Variants in CSMD1 observed in about 807,000 individuals in gnomAD.
CSMD1 encodes CUB and Sushi multiple domains 1.
In CSMD1, 213 loss-of-function variants were observed where a neutral mutation model predicts 417.5. The observed-to-expected ratio is 0.51, with a 90% CI of 0.46 to 0.57. The LOEUF (loss-of-function observed/expected upper bound fraction) is 0.57, where lower values mean the gene tolerates loss of function less well. CSMD1 is among the 20% of genes least tolerant of loss of function. The pLI is 0.00. For synonymous variants in CSMD1, 2,862 were observed against 1,736.8 expected, an observed-to-expected ratio of 1.65 and a Z score of -16.11; for missense variants, 6,923 against 4,529.7, an observed-to-expected ratio of 1.53 and a Z score of -15.17.
intron 3 of CSMD1, among the ~76,000 whole-genome samples, chr8:4,238,415 C>G (rs1311169665): frequency 6.6e-6 from 1 of 152,136 alleles, no homozygotes; most frequent in African/African-American, 2.4e-5. Context: ...ATGGTATACC[C>G]TAGAGTCACA....
At position 4,122,109 on chromosome 8, in the gene CSMD1, G is replaced by A. The variant is rs192460259; in HGVS notation, c.416-90010C>T. Among the ~76,000 whole-genome samples the A allele has an allele frequency of 2.7e-3, 411 of 151,716 alleles. 6 individuals are homozygous for A. Among genetic ancestry groups the A allele is most frequent in the Admixed American group, 0.024 (363 of 15,220 alleles). On this transcript the variant is annotated intron_variant, in intron 3 of 69. Coordinates refer to ENST00000635120, the MANE Select transcript of CSMD1 (RefSeq NM_033225.6). ...TATCATAGAAATATAATATTGTATC[G>A]TATAGGATATCAGAGATACTTACTA...
intron 1 of CSMD1, among the ~76,000 whole-genome samples, chr8:4,988,629 G>A (rs891993736): frequency 6.6e-6 from 1 of 152,112 alleles, no homozygotes; most frequent in African/African-American, 2.4e-5. Context: ...GGTGCCTAAT[G>A]GATGACAAAA....
At chr8:4,235,075 C>A (rs1036151436) in intron 3 of CSMD1, among the ~76,000 whole-genome samples, 8 of 152,090 alleles carry the variant, frequency 5.3e-5, no homozygotes, top group African/African-American at 1.9e-4. Context: ...CCATAGGAGT[C>A]CCTTTCCAGG....
chr8:3,312,682 C>A (rs1308066344), intron 23 of CSMD1, among the ~76,000 whole-genome samples: 1 of 152,156 alleles, frequency 6.6e-6, no homozygotes, highest in African/African-American at 2.4e-5. Flanking sequence ...TCTGAAGCTT[C>A]TACTTCGTGT....
At position 4,849,256 on chromosome 8, in the gene CSMD1, T is replaced by A. The variant is rs11998390; in HGVS notation, c.85+145076A>T. Among the ~76,000 whole-genome samples, 1,243 of 152,276 alleles carry A rather than the reference T, an allele frequency of 8.2e-3. 13 individuals carry two copies. The highest frequency in any genetic ancestry group is 0.028 in the African/African-American group (1,147 of 41,564). ...GAAAGAAAATATTATTGTACACCTG[T>A]GCATGTGTTTCATATTTTAATGTGT... On this transcript the variant is annotated intron_variant, in intron 1 of 69. Transcript: ENST00000635120.
intron 26 of CSMD1, among the ~76,000 whole-genome samples, chr8:3,267,630 C>T (rs773127512): frequency 5.9e-5 from 9 of 152,070 alleles, no homozygotes; most frequent in Non-Finnish European, 1.2e-4. Flanking sequence ...GAAATGTGTC[C>T]CGGCAAAAGC....
At chr8:3,815,249 T>C (rs965042034) in intron 5 of CSMD1, among the ~76,000 whole-genome samples, 9 of 152,144 alleles carry the variant, frequency 5.9e-5, no homozygotes, top group Admixed American at 3.3e-4. Context: ...ATGATTTGGG[T>C]AAAGTGTCTG....
chr8:4,792,933 G>T lies in CSMD1; in HGVS notation c.86-155375C>A, dbSNP rs550158895. On this transcript the variant is annotated intron_variant, in intron 1 of 69. Transcript: ENST00000635120. ...TATAGAGTTCAGTATGATTAAAAAG[G>T]GATGCAAATTATATATGTATATGGA... Among the ~76,000 whole-genome samples the T allele has an allele frequency of 2.5e-3, 377 of 151,462 alleles. 3 individuals carry two copies. Among genetic ancestry groups the T allele is most frequent in the Middle Eastern group, 0.021 (6 of 290 alleles).
chr8:3,929,982 T>C (rs762523626), intron 5 of CSMD1, among the ~76,000 whole-genome samples: 4 of 150,442 alleles, frequency 2.7e-5, no homozygotes, highest in Non-Finnish European at 5.9e-5. Flanking sequence ...GATTAAATTT[T>C]TAAAAACTAT....
At chr8:4,571,348 T>C (rs949905136) in intron 2 of CSMD1, among the ~76,000 whole-genome samples, 39 of 152,230 alleles carry the variant, frequency 2.6e-4, no homozygotes, top group Non-Finnish European at 2.9e-5. Flanking sequence ...TGTGTCTTTG[T>C]TCTCACTGGT....
At chr8:3,922,811 A>G (rs1809368719) in intron 5 of CSMD1, among the ~76,000 whole-genome samples, 3 of 152,140 alleles carry the variant, frequency 2.0e-5, no homozygotes, top group Admixed American at 2.0e-4. Flanking sequence ...ATTGATGAAT[A>G]TAAAATTCTA....
At chr8:3,081,737 A>T (rs1484447855) in intron 49 of CSMD1, among the ~76,000 whole-genome samples, 1 of 152,212 alleles carries the variant, frequency 6.6e-6, no homozygotes, top group Admixed American at 6.5e-5. Context: ...TCTTTCTTTA[A>T]TTACAATTTT....
At chr8:3,285,331 A>G (rs888629574) in intron 25 of CSMD1, among the ~76,000 whole-genome samples, 1 of 152,120 alleles carries the variant, frequency 6.6e-6, no homozygotes, top group Non-Finnish European at 1.5e-5. Flanking sequence ...ATATAGAGAA[A>G]AGTATAGCAG....
chr8:4,606,414 T>C (rs1368960450), intron 2 of CSMD1, among the ~76,000 whole-genome samples: 2 of 152,092 alleles, frequency 1.3e-5, no homozygotes, highest in African/African-American at 4.8e-5. Flanking sequence ...TGTTCCTGGC[T>C]CCCTGGGCTC....
At chr8:3,338,772 G>A (rs975027027) in intron 23 of CSMD1, among the ~76,000 whole-genome samples, 1 of 151,056 alleles carries the variant, frequency 6.6e-6, no homozygotes, top group Non-Finnish European at 1.5e-5. Flanking sequence ...AATTGTGGCA[G>A]CTCTATCATG....
At chr8:3,309,669 C>G (rs61306778) in intron 23 of CSMD1, among the ~76,000 whole-genome samples, 2 of 152,142 alleles carry the variant, frequency 1.3e-5, no homozygotes, top group African/African-American at 4.8e-5. Context: ...CTCTTTCCTT[C>G]TATTTCCACC....
intron 3 of CSMD1, among the ~76,000 whole-genome samples, chr8:4,341,051 A>G (rs1800449493): frequency 1.3e-5 from 2 of 152,082 alleles, no homozygotes; most frequent in Admixed American, 1.3e-4. Flanking sequence ...TATACTCTAA[A>G]TCAACGTAAA....
chr8:4,218,966 C>A (rs551856022), intron 3 of CSMD1, among the ~76,000 whole-genome samples: 3 of 152,174 alleles, frequency 2.0e-5, no homozygotes, highest in Admixed American at 2.0e-4. Context: ...CAACGTATGT[C>A]TAATCAAATA....
At chr8:4,387,986 C>G (rs142288747) in intron 3 of CSMD1, among the ~76,000 whole-genome samples, 57 of 152,232 alleles carry the variant, frequency 3.7e-4, no homozygotes, top group African/African-American at 1.4e-3. Flanking sequence ...AAGACACAAT[C>G]ATGTTAAACA....
Sources: gnomAD v4.1 joint callset for allele counts (sites outside exome capture counted in the v4.1 genomes callset) on GRCh38, gnomAD v4.1.1 for gene constraint, MANE v1.5 for transcripts, NCBI Gene and HGNC (gene_info 2026-07-23, HGNC 2026-07-21) for gene names.